Variants in LOXHD1 observed in about 807,000 individuals in gnomAD.
LOXHD1 encodes the protein lipoxygenase homology PLAT domains 1.
Under a neutral mutation model 248.2 loss-of-function variants are expected in LOXHD1, and 205 were observed. The ratio of observed to expected loss-of-function variants is 0.83; its 90% CI spans 0.74 to 0.93. LOXHD1 has a LOEUF of 0.93. LOXHD1 is among the 40% of genes least tolerant of loss of function. LOXHD1 has a pLI of 0.00. For missense variants in LOXHD1, 2,930 were observed against 2,971.6 expected, an observed-to-expected ratio of 0.99 and a Z score of 0.33; for synonymous variants, 1,113 against 1,162.8, an observed-to-expected ratio of 0.96 and a Z score of 0.87.
In LOXHD1 at chr18:46,500,178, A is replaced by G. The variant is rs138987049; in HGVS notation, c.5878+5660T>C. ...GAATCTGCTCTACACCGCCCTTGCT[A>G]TCCTCAAGCTGCACTTTCTCCATAG... On this transcript the variant is annotated intron_variant, in intron 37 of 40. Transcript: ENST00000642948. Among the ~76,000 whole-genome samples the G allele has an allele frequency of 2.1e-3, 320 of 152,226 alleles. 1 individual carries two copies. The highest frequency in any genetic ancestry group is 3.6e-3 in the Non-Finnish European group (243 of 68,004).
At chr18:46,621,792 AGAT>A (rs1289472387) in intron 4 of LOXHD1, among the ~76,000 whole-genome samples, 3 of 152,196 alleles carry the variant, frequency 2.0e-5, no homozygotes, top group Non-Finnish European at 4.4e-5. Context: ...ATAGGGAGAA[AGAT>A]GATGATAAGA....
intron 4 of LOXHD1, among the ~76,000 whole-genome samples, chr18:46,622,349 CA>C (rs2038680391): frequency 1.3e-5 from 2 of 152,310 alleles, no homozygotes; most frequent in African/African-American, 2.4e-5. Flanking sequence ...ATGTGAATTT[CA>C]TATAATTTTT....
At chr18:46,490,292 C>T (rs987899338) in intron 37 of LOXHD1, among the ~76,000 whole-genome samples, 4 of 152,178 alleles carry the variant, frequency 2.6e-5, no homozygotes, top group Non-Finnish European at 4.4e-5. Context: ...TCACCCAGAT[C>T]GCAGGGGACA....
At chr18:46,595,302 T>G (rs980638042) in intron 8 of LOXHD1, among the ~76,000 whole-genome samples, 4 of 152,188 alleles carry the variant, frequency 2.6e-5, no homozygotes, top group Non-Finnish European at 4.4e-5. Flanking sequence ...AAGCACCAGA[T>G]GAAGGATGCT....
chr18:46,580,950 G>A (rs2037950163), intron 12 of LOXHD1, among the ~76,000 whole-genome samples: 1 of 152,224 alleles, frequency 6.6e-6, no homozygotes, highest in East Asian at 1.9e-4. Context: ...AGGCTCGGAG[G>A]TGGACAGGAG....
intron 17 of LOXHD1, among the ~76,000 whole-genome samples, chr18:46,565,254 C>G (rs979808485): frequency 8.3e-6 from 1 of 120,518 alleles, no homozygotes; most frequent in Non-Finnish European, 1.9e-5. Context: ...GAGTAAGGCT[C>G]TGTCTCAAAA....
chr18:46,560,052 T>TA, intron 19 of LOXHD1, 31 bp downstream of exon 19: 46 of 441,082 alleles, frequency 1.0e-4, no homozygotes, highest in Middle Eastern at 3.8e-4. Context: ...GGCCACTCCC[T>TA]CCCCACCCCC....
In LOXHD1 at chr18:46,657,000, C is replaced by A. The variant is rs1181185546; in HGVS notation, c.34G>T (p.Asp12Tyr). Reference sequence around the variant, plus strand: ...TCGTACAGGGCCAGGAAGTCGATGTCCTTCTTCCTCCGCCTTTTCTTCTGG... The same window carrying A: ...TCGTACAGGGCCAGGAAGTCGATGTACTTCTTCCTCCGCCTTTTCTTCTGG... ...MPQKKRRRKKDIDFLALYEAE... is the reference protein window; with the variant it reads ...MPQKKRRRKKYIDFLALYEAE... The change falls in exon 1 of 41, where the codon GAC (aspartate) becomes TAC (tyrosine). Residue 12 changes from aspartate (D) to tyrosine (Y), a missense_variant. By Grantham distance (160) the Asp-to-Tyr change is radical. Transcript: ENST00000642948. The A allele has an allele frequency of 6.4e-7, 1 of 1,551,642 alleles. No individual in the cohort carries two copies. The highest frequency in any genetic ancestry group is 2.4e-5 in the East Asian group (1 of 40,912).
chr18:46,655,316 A>T (rs1337792825), intron 1 of LOXHD1, among the ~76,000 whole-genome samples: 1 of 152,220 alleles, frequency 6.6e-6, no homozygotes, highest in Non-Finnish European at 1.5e-5. Context: ...AGGATCAAAC[A>T]TGAGAACATT....
At chr18:46,523,291 C>T (rs1235309038) in intron 31 of LOXHD1, among the ~76,000 whole-genome samples, 2 of 152,140 alleles carry the variant, frequency 1.3e-5, no homozygotes, top group African/African-American at 4.8e-5. Context: ...GAGGAGTACT[C>T]TTTTTTTCCT....
At chr18:46,533,644 C>T (rs1234774444) in intron 27 of LOXHD1, 1 of 332,370 alleles carries the variant, frequency 3.0e-6, no homozygotes, top group South Asian at 2.9e-5. Flanking sequence ...CTCCCTCTGG[C>T]TGGGCATGGT....
chr18:46,511,593 C>T (rs568668751), intron 34 of LOXHD1, among the ~76,000 whole-genome samples: 389 of 152,322 alleles, frequency 2.6e-3, no homozygotes, highest in African/African-American at 9.0e-3. Flanking sequence ...AGCCTGAAGG[C>T]TAAACAGGGC....
At chr18:46,546,732 C>A (rs1353238534) in intron 22 of LOXHD1, among the ~76,000 whole-genome samples, 163 bp downstream of exon 22, 1 of 152,084 alleles carries the variant, frequency 6.6e-6, no homozygotes, top group African/African-American at 2.4e-5. Flanking sequence ...CCCCCTTTAC[C>A]TCCCCAGTCT....
chr18:46,634,228 G>A, intron 4 of LOXHD1, among the ~76,000 whole-genome samples: 1 of 152,134 alleles, frequency 6.6e-6, no homozygotes, highest in East Asian at 1.9e-4. Flanking sequence ...CCCATACAAT[G>A]GGATGCTATT....
intron 23 of LOXHD1, chr18:46,544,940 C>T: frequency 2.1e-6 from 1 of 477,972 alleles, no homozygotes. Flanking sequence ...GAGCAGATGG[C>T]TGGACCCAAC....
chr18:46,599,106 C>G (rs1409091579), intron 8 of LOXHD1, among the ~76,000 whole-genome samples: 2 of 152,104 alleles, frequency 1.3e-5, no homozygotes, highest in Non-Finnish European at 2.9e-5. Context: ...ATAAATGGAA[C>G]AGACTAGAAA....
chr18:46,506,101 A>T (rs1261414131), intron 36 of LOXHD1, 78 bp from the exon 37 acceptor site: 2 of 1,488,008 alleles, frequency 1.3e-6, no homozygotes, highest in Non-Finnish European at 1.8e-6. Context: ...TTGATCCCGG[A>T]CTCCTCAGAG....
chr18:46,517,133 G>A (rs1393393665), intron 34 of LOXHD1, among the ~76,000 whole-genome samples: 1 of 152,166 alleles, frequency 6.6e-6, no homozygotes, highest in South Asian at 2.1e-4. Context: ...AAAATGTTAA[G>A]CTTAGGATCC....
chr18:46,603,850 G>T (rs1467558128), intron 7 of LOXHD1, among the ~76,000 whole-genome samples: 3 of 152,238 alleles, frequency 2.0e-5, no homozygotes, highest in African/African-American at 4.8e-5. Flanking sequence ...TCACATTCTG[G>T]CTTCATCCTA....
Sources: gnomAD v4.1 joint callset for allele counts (sites outside exome capture counted in the v4.1 genomes callset) on GRCh38, gnomAD v4.1.1 for gene constraint, MANE v1.5 for transcripts, NCBI Gene and HGNC (gene_info 2026-07-23, HGNC 2026-07-21) for gene names.